Variants in ECT2L observed in about 807,000 individuals in gnomAD.
The protein encoded by ECT2L is epithelial cell transforming 2 like.
ECT2L carries 126 observed loss-of-function variants against 122.8 expected under a neutral mutation model. The ratio of observed to expected loss-of-function variants is 1.03; its 90% CI spans 0.89 to 1.19. The LOEUF is 1.19. Ranked by LOEUF, ECT2L falls within the 50% of genes most tolerant of loss-of-function variation. The pLI is 0.00. For synonymous variants in ECT2L, 385 were observed against 381.8 expected (o/e 1.01, Z -0.10); for missense variants, 1,012 against 1,064.1 (o/e 0.95, Z 0.68).
chr6:138,869,644 C>T (rs1000406023), intron 13 of ECT2L, among the ~76,000 whole-genome samples: 15 of 152,132 alleles, frequency 9.9e-5, no homozygotes, highest in Non-Finnish European at 5.9e-5. Context: ...GATTACTCAG[C>T]ATGCTTGGTG....
Position 138,813,259 on chromosome 6 carries a change from C to G in ECT2L, c.-16C>G. The G allele has an allele frequency of 6.2e-7, 1 of 1,604,052 alleles. No individual in the cohort carries two copies. The highest frequency in any genetic ancestry group is 8.5e-7 in the Non-Finnish European group (1 of 1,177,374). The stretch of plus-strand genomic sequence containing the variant: ...CTGAGACGTCAGCTGGGGATTCTTC[C>G]TGGAGAACTCCAGAAATGGAGAGCT... On this transcript the variant is annotated 5_prime_UTR_variant, in exon 3 of 22. Coordinates refer to ENST00000541398, the MANE Select transcript of ECT2L (RefSeq NM_001077706.3).
chr6:138,816,904 C>T (rs1776088469), intron 4 of ECT2L, among the ~76,000 whole-genome samples: 2 of 152,182 alleles, frequency 1.3e-5, no homozygotes, highest in African/African-American at 4.8e-5. Context: ...TAAGTTTAGA[C>T]CATTTCATCA....
intron 8 of ECT2L, among the ~76,000 whole-genome samples, chr6:138,848,093 C>T (rs1582608766): frequency 1.3e-5 from 2 of 152,142 alleles, no homozygotes; most frequent in Admixed American, 6.5e-5. Context: ...GTCATGAGAA[C>T]GGCATGCGGG....
intron 16 of ECT2L, among the ~76,000 whole-genome samples, chr6:138,883,600 C>T (rs1447026396): frequency 1.3e-5 from 2 of 152,202 alleles, no homozygotes; most frequent in Non-Finnish European, 2.9e-5. Flanking sequence ...TGGAGGGCTC[C>T]GGCCCTTGGA....
intron 1 of ECT2L, among the ~76,000 whole-genome samples, chr6:138,802,952 T>A (rs150661118): frequency 1.0e-3 from 159 of 152,044 alleles, no homozygotes; most frequent in Non-Finnish European, 1.0e-4. Context: ...GGTGTGCACC[T>A]GTAATCCCAG....
At position 138,838,369 on chromosome 6, in the gene ECT2L, T is replaced by C. The variant is rs1258754507; in HGVS notation, c.197T>C (p.Phe66Ser). ...CTTTTTAGGTTTGTCCAAGACTGGT[T>C]TTCAGAAAGGATGCAAGTGGCCAAA... ...KSQLRFVQDWFSERMQVAKVD... is the reference protein window; with the variant it reads ...KSQLRFVQDWSSERMQVAKVD... The change falls in exon 5 of 22, where the codon TTT becomes TCT. Residue 66 changes from phenylalanine to serine, a missense_variant. Coordinates refer to ENST00000541398, the MANE Select transcript of ECT2L (RefSeq NM_001077706.3). 1 of 1,604,686 alleles carries C rather than the reference T, an allele frequency of 6.2e-7. No homozygotes were observed. The highest frequency in any genetic ancestry group is 8.5e-7 in the Non-Finnish European group (1 of 1,177,116).
At chr6:138,883,050 G>A (rs1281985451) in intron 16 of ECT2L, among the ~76,000 whole-genome samples, 179 bp downstream of exon 16, 1 of 152,136 alleles carries the variant, frequency 6.6e-6, no homozygotes, top group East Asian at 1.9e-4. Flanking sequence ...CACAATATTT[G>A]ACACCCAGCA....
intron 4 of ECT2L, among the ~76,000 whole-genome samples, chr6:138,832,395 G>A (rs1345585343): frequency 6.6e-6 from 1 of 152,086 alleles, no homozygotes; most frequent in African/African-American, 2.4e-5. Context: ...GAGGATAACT[G>A]CCCTGGGTTG....
chr6:138,843,630 A>G (rs17067947), intron 6 of ECT2L, among the ~76,000 whole-genome samples: 3,081 of 152,234 alleles, frequency 0.02, 88 homozygotes, highest in African/African-American at 0.071. Context: ...TTAAAAAGGG[A>G]GAAAGAGGAC....
chr6:138,805,631 C>T (rs1775688039), intron 1 of ECT2L, among the ~76,000 whole-genome samples: 1 of 152,154 alleles, frequency 6.6e-6, no homozygotes. Flanking sequence ...AAGATGACTT[C>T]ATTTGCACAT....
At chr6:138,851,975 C>T (rs1350567450) in intron 9 of ECT2L, among the ~76,000 whole-genome samples, 1 of 152,106 alleles carries the variant, frequency 6.6e-6, no homozygotes, top group Non-Finnish European at 1.5e-5. Context: ...TGTTACAGGG[C>T]AGCCGTCAAA....
At chr6:138,852,430 TTAAAG>T (rs1323643199) in intron 9 of ECT2L, among the ~76,000 whole-genome samples, 1 of 152,190 alleles carries the variant, frequency 6.6e-6, no homozygotes, top group Admixed American at 6.5e-5. Context: ...TTGCTTATAC[TTAAAG>T]TAAAATTGTT....
At chr6:138,813,728 A>G (rs1001300543) in intron 3 of ECT2L, among the ~76,000 whole-genome samples, 1 of 152,126 alleles carries the variant, frequency 6.6e-6, no homozygotes, top group African/African-American at 2.4e-5. Context: ...GGATGGTTCC[A>G]TGTGGCCTGG....
intron 13 of ECT2L, among the ~76,000 whole-genome samples, chr6:138,874,861 A>G (rs1778385369): frequency 6.6e-6 from 1 of 152,158 alleles, no homozygotes; most frequent in South Asian, 2.1e-4. Flanking sequence ...TGGGATCCCA[A>G]GGCAGGAGGA....
chr6:138,851,432 C>T (rs567104223), intron 9 of ECT2L, among the ~76,000 whole-genome samples: 86 of 151,766 alleles, frequency 5.7e-4, no homozygotes, highest in Non-Finnish European at 9.4e-4. Flanking sequence ...AATCCTTCCA[C>T]CTCAGCCCCT....
At chr6:138,810,159 T>G (rs1049809337) in intron 1 of ECT2L, among the ~76,000 whole-genome samples, 12 of 152,214 alleles carry the variant, frequency 7.9e-5, no homozygotes, top group African/African-American at 2.9e-4. Flanking sequence ...TTGGCTGGTT[T>G]GTAAGCAGGA....
At chr6:138,901,472 T>G (rs1779394021) in intron 21 of ECT2L, among the ~76,000 whole-genome samples, 1 of 152,208 alleles carries the variant, frequency 6.6e-6, no homozygotes, top group African/African-American at 2.4e-5. Context: ...AAAGCATATT[T>G]TAAATTTTTA....
At chr6:138,805,641 T>A (rs1049523564) in intron 1 of ECT2L, among the ~76,000 whole-genome samples, 2 of 152,150 alleles carry the variant, frequency 1.3e-5, no homozygotes, top group African/African-American at 4.8e-5. Flanking sequence ...CATTTGCACA[T>A]CTGGTGCTTT....
intron 20 of ECT2L, among the ~76,000 whole-genome samples, chr6:138,898,094 A>G (rs918989853): frequency 1.3e-5 from 2 of 152,024 alleles, no homozygotes; most frequent in African/African-American, 4.8e-5. Context: ...CTCCCCCAAA[A>G]AAGCAAGACC....
Sources: gnomAD v4.1 joint callset for allele counts (sites outside exome capture counted in the v4.1 genomes callset) on GRCh38, gnomAD v4.1.1 for gene constraint, MANE v1.5 for transcripts, NCBI Gene and HGNC (gene_info 2026-07-23, HGNC 2026-07-21) for gene names.